The following WDFY4 variants were observed in gnomAD, a reference collection of about 807,000 sequenced individuals.
The protein encoded by WDFY4 is WDFY family member 4.
WDFY4 carries 169 observed loss-of-function variants against 351.9 expected under a neutral mutation model. That is an observed-to-expected ratio of 0.48 (90% CI 0.42 to 0.55). The LOEUF (loss-of-function observed/expected upper bound fraction) is 0.55. Among genes scored for constraint, WDFY4 ranks in the 20% least tolerant of loss-of-function variants. The probability of loss-of-function intolerance (pLI) is 0.00; values close to 1 mark genes in which losing one functional copy is unlikely to be tolerated. For synonymous variants in WDFY4, 1,622 were observed against 1,574.6 expected, an observed-to-expected ratio of 1.03 and a Z score of -0.71; for missense variants, 3,803 against 3,935.6, an observed-to-expected ratio of 0.97 and a Z score of 0.90.
chr10:48,759,094 T>C (rs2065422127), intron 12 of WDFY4, among the ~76,000 whole-genome samples: 1 of 152,146 alleles, frequency 6.6e-6, no homozygotes, highest in Non-Finnish European at 1.5e-5. Context: ...AGGTTGCAAG[T>C]TTCTGCCCAT....
chr10:48,905,705 A>G lies in WDFY4; in HGVS notation c.7586+3842A>G, dbSNP rs888367428. Among the ~76,000 whole-genome samples the G allele has an allele frequency of 2.0e-5, 3 of 152,348 alleles. No homozygotes were observed. In the East Asian group the frequency reaches 5.8e-4, roughly 29 times the overall value. On this transcript the variant is annotated intron_variant, in intron 47 of 61. Coordinates refer to ENST00000325239, the MANE Select transcript of WDFY4 (RefSeq NM_001394531.1). ...CCTCAGCAAAATGCGGACACCCCGCAGAGTGCTGACCCTCGGCTCTGAGGC... is the reference window on the plus strand; with the variant it reads ...CCTCAGCAAAATGCGGACACCCCGCGGAGTGCTGACCCTCGGCTCTGAGGC...
chr10:48,824,250 C>T (rs757857571), intron 35 of WDFY4: 233 of 927,818 alleles, frequency 2.5e-4, no homozygotes, highest in Non-Finnish European at 3.0e-4. Context: ...CTCTCTGACC[C>T]TTAGCCTCTT....
At chr10:48,905,360 T>C (rs760444068) in intron 47 of WDFY4, among the ~76,000 whole-genome samples, 13 of 152,186 alleles carry the variant, frequency 8.5e-5, no homozygotes, top group Non-Finnish European at 1.8e-4. Flanking sequence ...GAAGATGATG[T>C]TTTGTAGATG....
At chr10:48,866,988 T>C (rs2069567617) in intron 39 of WDFY4, among the ~76,000 whole-genome samples, 1 of 151,984 alleles carries the variant, frequency 6.6e-6, no homozygotes, top group African/African-American at 2.4e-5. Context: ...CTGGCCAATG[T>C]GGTGAAACCT....
intron 12 of WDFY4, 144 bp from the exon 13 acceptor site, chr10:48,760,203 G>A (rs767975841): frequency 2.4e-5 from 16 of 679,310 alleles, no homozygotes; most frequent in South Asian, 3.9e-5. Context: ...AATTAGGCTC[G>A]ATGGAGTAGT....
chr10:48,933,601 A>G (rs899135266), intron 47 of WDFY4, among the ~76,000 whole-genome samples: 2 of 152,258 alleles, frequency 1.3e-5, no homozygotes, highest in African/African-American at 2.4e-5. Flanking sequence ...CTTATAGCTC[A>G]TCCCTCCCTG....
intron 47 of WDFY4, among the ~76,000 whole-genome samples, chr10:48,908,466 G>GCC (rs1433088730): frequency 2.0e-5 from 3 of 152,218 alleles, no homozygotes; most frequent in African/African-American, 7.2e-5. Flanking sequence ...AGCCGGCTGA[G>GCC]CCGAGGTTAA....
intron 1 of WDFY4, among the ~76,000 whole-genome samples, chr10:48,697,920 T>C (rs1209627478): frequency 1.3e-5 from 2 of 152,176 alleles, no homozygotes; most frequent in African/African-American, 2.4e-5. Flanking sequence ...CATGTCTGCC[T>C]CCAGCTTGCT....
At chr10:48,978,434 C>G (rs965851015) in intron 60 of WDFY4, 41 bp downstream of exon 60, 1 of 1,515,726 alleles carries the variant, frequency 6.6e-7, no homozygotes, top group African/African-American at 1.4e-5. Context: ...TGGCCTTGCC[C>G]TGCCCTCCTC....
At chr10:48,709,528 T>C (rs1477997345) in intron 1 of WDFY4, among the ~76,000 whole-genome samples, 188 bp from the exon 2 acceptor site, 1 of 152,254 alleles carries the variant, frequency 6.6e-6, no homozygotes, top group Non-Finnish European at 1.5e-5. Context: ...GATTGTGAAC[T>C]TGTATTAATC....
chr10:48,980,471 A>G lies in WDFY4; in HGVS notation c.9377-896A>G, dbSNP rs376933106. On this transcript the variant is annotated intron_variant, in intron 60 of 61. Coordinates refer to ENST00000325239, the MANE Select transcript of WDFY4 (RefSeq NM_001394531.1). ...TGCATTTGTGGGCAGATGTAATCCA[A>G]TTTCTGCTTGGAATTCATTTATTTG... is the stretch of plus-strand genomic sequence containing the variant. Among the ~76,000 whole-genome samples, 3 of 152,276 alleles carry G rather than the reference A, an allele frequency of 2.0e-5. 1 individual carries two copies. Among genetic ancestry groups the G allele is most frequent in the African/African-American group, 7.2e-5 (3 of 41,568 alleles).
At chr10:48,965,028 TG>T (rs1242100049) in intron 54 of WDFY4, among the ~76,000 whole-genome samples, 6 of 152,168 alleles carry the variant, frequency 3.9e-5, no homozygotes, top group Admixed American at 2.0e-4. Context: ...ACATCCAGTG[TG>T]GGTTTGCTGG....
intron 44 of WDFY4, among the ~76,000 whole-genome samples, chr10:48,891,444 T>C (rs1319730091): frequency 1.3e-5 from 2 of 152,270 alleles, no homozygotes; most frequent in African/African-American, 2.4e-5. Context: ...TCAAATTGAC[T>C]GAGCTTTTGC....
intron 5 of WDFY4, among the ~76,000 whole-genome samples, chr10:48,724,468 T>A (rs886281169): frequency 6.6e-6 from 1 of 152,252 alleles, no homozygotes; most frequent in East Asian, 1.9e-4. Context: ...AGGTGTCATC[T>A]GCTTGTATGT....
At chr10:48,825,415 A>G (rs187153569) in intron 35 of WDFY4, among the ~76,000 whole-genome samples, 8 of 152,316 alleles carry the variant, frequency 5.3e-5, no homozygotes, top group Non-Finnish European at 8.8e-5. Flanking sequence ...TGCTGCAATG[A>G]ACATACGCGT....
At chr10:48,692,130 A>G (rs1168288126) in intron 1 of WDFY4, among the ~76,000 whole-genome samples, 1 of 152,248 alleles carries the variant, frequency 6.6e-6, no homozygotes, top group Non-Finnish European at 1.5e-5. Context: ...TAGCAGCTCC[A>G]CGTGGTCTCA....
At chr10:48,717,750 G>T (rs1455223267) in intron 2 of WDFY4, among the ~76,000 whole-genome samples, 4 of 152,084 alleles carry the variant, frequency 2.6e-5, no homozygotes, top group African/African-American at 9.7e-5. Context: ...TTGTTTTTCA[G>T]TACTATATAG....
chr10:48,829,676 C>A (rs1434499851), intron 37 of WDFY4, among the ~76,000 whole-genome samples: 1 of 152,120 alleles, frequency 6.6e-6, no homozygotes, highest in Non-Finnish European at 1.5e-5. Context: ...ATGCTGAAAG[C>A]CTGTCACTAC....
At chr10:48,768,723 A>AGAGAGAGAGAGAGAGAGAGAGAG (rs1555000834) in intron 13 of WDFY4, among the ~76,000 whole-genome samples, 1 of 140,978 alleles carries the variant, frequency 7.1e-6, no homozygotes, top group African/African-American at 2.7e-5. Context: ...GGGAGAGGAG[A>AGAGAGAGAGAGAGAGAGAGAGAG]AGAGAGAGAG....
Sources: gnomAD v4.1 joint callset for allele counts (sites outside exome capture counted in the v4.1 genomes callset) on GRCh38, gnomAD v4.1.1 for gene constraint, MANE v1.5 for transcripts, NCBI Gene and HGNC (gene_info 2026-07-23, HGNC 2026-07-21) for gene names.